Variants in EYS observed in about 807,000 individuals in gnomAD.
EYS encodes the protein EGF-like photoreceptor maintenance factor.
In EYS, 250 loss-of-function variants were observed where a neutral mutation model predicts 282.1. The ratio of observed to expected loss-of-function variants is 0.89; its 90% CI spans 0.80 to 0.98. EYS has a LOEUF of 0.98. Ranked by LOEUF, EYS falls within the 50% of genes least tolerant of loss-of-function variation. The probability of loss-of-function intolerance (pLI) is 0.00; values close to 1 mark genes in which losing one functional copy is unlikely to be tolerated. For missense variants in EYS, 4,016 were observed against 3,709.0 expected, an observed-to-expected ratio of 1.08 and a Z score of -2.15; for synonymous variants, 1,355 against 1,282.9, an observed-to-expected ratio of 1.06 and a Z score of -1.20.
intron 5 of EYS, among the ~76,000 whole-genome samples, chr6:65,438,304 C>T (rs1224697988): frequency 2.0e-5 from 3 of 151,980 alleles, no homozygotes; most frequent in African/African-American, 7.3e-5. Flanking sequence ...GTGAATAGTG[C>T]TGCAATAAAC....
intron 32 of EYS, among the ~76,000 whole-genome samples, chr6:64,081,558 T>C (rs1200939878): frequency 6.6e-6 from 1 of 152,232 alleles, no homozygotes; most frequent in Non-Finnish European, 1.5e-5. Flanking sequence ...CATAAAAGTA[T>C]GCTCTGAAAC....
In EYS at chr6:65,666,844, A is replaced by G. The variant is rs796311501; in HGVS notation, c.-447-26952T>C. Among the ~76,000 whole-genome samples the G allele has an allele frequency of 8.6e-5, 13 of 151,306 alleles. No homozygotes were observed. In the East Asian group the frequency reaches 2.5e-3, roughly 29 times the overall value. ...ATTTCATTTTATTAAGCTAAGAAAG[A>G]TTAAGGATAAATACTCTTGAAAAAT... On this transcript the variant is annotated intron_variant, in intron 1 of 42. Coordinates refer to ENST00000503581, the MANE Select transcript of EYS (RefSeq NM_001142800.2).
intron 22 of EYS, among the ~76,000 whole-genome samples, chr6:64,764,724 T>A (rs1041004721): frequency 6.6e-6 from 1 of 152,172 alleles, no homozygotes; most frequent in African/African-American, 2.4e-5. Flanking sequence ...TTATGCACTG[T>A]TCCCTTTTTG....
At chr6:64,370,738 T>A (rs757536578) in intron 29 of EYS, among the ~76,000 whole-genome samples, 23 of 152,164 alleles carry the variant, frequency 1.5e-4, no homozygotes, top group Non-Finnish European at 2.6e-4. Context: ...CTCTTCTCGG[T>A]TCAATCTTGT....
intron 1 of EYS, among the ~76,000 whole-genome samples, chr6:65,701,311 A>G (rs1308629817): frequency 1.3e-5 from 2 of 152,216 alleles, no homozygotes; most frequent in Non-Finnish European, 2.9e-5. Context: ...TAAATCACAG[A>G]TGGATAAGTA....
intron 13 of EYS, among the ~76,000 whole-genome samples, chr6:65,048,624 A>G (rs1773174734): frequency 6.6e-6 from 1 of 151,882 alleles, no homozygotes; most frequent in African/African-American, 2.4e-5. Context: ...CTTCAGATGC[A>G]CATACTAGGA....
chr6:64,564,966 G>A (rs560662001), intron 26 of EYS, among the ~76,000 whole-genome samples: 2 of 152,208 alleles, frequency 1.3e-5, no homozygotes, highest in East Asian at 3.9e-4. Context: ...GTTGCCATTT[G>A]TGTGTCTTCT....
At chr6:64,093,014 C>G (rs1484879061) in intron 31 of EYS, among the ~76,000 whole-genome samples, 1 of 152,002 alleles carries the variant, frequency 6.6e-6, no homozygotes, top group Non-Finnish European at 1.5e-5. Context: ...ATAGGGAATC[C>G]TTTCCCCATT....
intron 31 of EYS, among the ~76,000 whole-genome samples, chr6:64,208,033 T>C (rs1471875655): frequency 1.3e-5 from 2 of 152,192 alleles, no homozygotes; most frequent in Non-Finnish European, 2.9e-5. Flanking sequence ...TTTTCTGTCA[T>C]TCTTCTGATC....
chr6:64,955,485 G>A (rs1769667826), intron 14 of EYS, among the ~76,000 whole-genome samples: 1 of 152,104 alleles, frequency 6.6e-6, no homozygotes, highest in African/African-American at 2.4e-5. Flanking sequence ...AAACACACTG[G>A]CACCACCCTT....
chr6:64,767,047 A>G (rs1282925274), intron 22 of EYS, among the ~76,000 whole-genome samples: 1 of 151,534 alleles, frequency 6.6e-6, no homozygotes, highest in Non-Finnish European at 1.5e-5. Flanking sequence ...ACCTCACTTT[A>G]TATTCACATG....
At chr6:64,139,606 T>C (rs1339952279) in intron 31 of EYS, among the ~76,000 whole-genome samples, 2 of 152,152 alleles carry the variant, frequency 1.3e-5, no homozygotes, top group Admixed American at 6.6e-5. Flanking sequence ...AGAAAGGTTA[T>C]CAATATGGGC....
intron 31 of EYS, among the ~76,000 whole-genome samples, chr6:64,212,655 G>A (rs1466534488): frequency 6.6e-6 from 1 of 151,812 alleles, no homozygotes; most frequent in Non-Finnish European, 1.5e-5. Flanking sequence ...CTTATACACT[G>A]TTGGTGGGAG....
At chr6:65,204,904 T>TGTATTTATATATTCTGGAAGAAC (rs1765991226) in intron 12 of EYS, among the ~76,000 whole-genome samples, 3 of 95,264 alleles carry the variant, frequency 3.1e-5, no homozygotes, top group African/African-American at 1.2e-4. Flanking sequence ...TCTGGAAGAA[T>TGTATTTATATATTCTGGAAGAAC]GTATTTATAT....
intron 32 of EYS, among the ~76,000 whole-genome samples, chr6:64,067,842 A>G (rs1771431631): frequency 6.6e-6 from 1 of 152,126 alleles, no homozygotes; most frequent in Non-Finnish European, 1.5e-5. Flanking sequence ...TTAATTCATT[A>G]TCATTGTTTT....
At chr6:65,324,853 G>C (rs771066405) in intron 11 of EYS, among the ~76,000 whole-genome samples, 15 of 152,202 alleles carry the variant, frequency 9.9e-5, no homozygotes, top group Admixed American at 2.0e-4. Context: ...CAAAGGAACT[G>C]TTTCCTCACG....
chr6:63,878,495 CT>C (rs1773039826), intron 35 of EYS, among the ~76,000 whole-genome samples: 1 of 152,212 alleles, frequency 6.6e-6, no homozygotes, highest in Non-Finnish European at 1.5e-5. Context: ...CCACTACTCT[CT>C]TCAAAGCTGT....
intron 22 of EYS, among the ~76,000 whole-genome samples, chr6:64,737,797 G>A (rs1233152932): frequency 6.6e-6 from 1 of 152,086 alleles, no homozygotes; most frequent in Non-Finnish European, 1.5e-5. Flanking sequence ...ATGAACCATC[G>A]AGTAACTGTG....
chr6:65,376,234 A>G (rs1341348452), intron 8 of EYS, among the ~76,000 whole-genome samples: 1 of 152,208 alleles, frequency 6.6e-6, no homozygotes, highest in Non-Finnish European at 1.5e-5. Flanking sequence ...ACAATCTTAA[A>G]GAAAAGATTT....
Sources: gnomAD v4.1 joint callset for allele counts (sites outside exome capture counted in the v4.1 genomes callset) on GRCh38, gnomAD v4.1.1 for gene constraint, MANE v1.5 for transcripts, NCBI Gene and HGNC (gene_info 2026-07-23, HGNC 2026-07-21) for gene names.